PZP: variants seen among roughly 807,000 people sequenced by gnomAD.
The protein encoded by PZP is pregnancy zone protein.
A neutral mutation model predicts 179.8 loss-of-function variants in PZP; 150 were observed. That is an observed-to-expected ratio of 0.83 (90% confidence interval 0.73 to 0.96). PZP has a LOEUF of 0.96. Among genes scored for constraint, PZP ranks in the 40% least tolerant of loss-of-function variants. PZP has a pLI of 0.00. For missense variants in PZP, 1,689 were observed against 1,764.0 expected (o/e 0.96, Z 0.76); for synonymous variants, 624 against 652.3 (o/e 0.96, Z 0.66).
chr12:9,146,007 T>A (rs1442370192), downstream of PZP, among the ~76,000 whole-genome samples: 3 of 152,200 alleles, frequency 2.0e-5, no homozygotes, highest in Admixed American at 1.3e-4. Context: ...TGTATTTTTA[T>A]GTGGATTTCA....
chr12:9,204,032 A>G (rs1305634213), intron 1 of PZP, 81 bp from the exon 2 acceptor site: 9 of 1,323,230 alleles, frequency 6.8e-6, no homozygotes, highest in Non-Finnish European at 9.5e-6. Flanking sequence ...TCATAACAAT[A>G]TGTATTAATT....
At chr12:9,191,490 A>T (rs1484190445) in intron 13 of PZP, among the ~76,000 whole-genome samples, 4 of 152,132 alleles carry the variant, frequency 2.6e-5, no homozygotes, top group Non-Finnish European at 5.9e-5. Flanking sequence ...ACTGAAAAAT[A>T]AAAATTAAAA....
At chr12:9,169,702 T>G in intron 15 of PZP, 111 bp from the exon 16 acceptor site, 1 of 1,037,696 alleles carries the variant, frequency 9.6e-7, no homozygotes, top group Non-Finnish European at 1.3e-6. Flanking sequence ...AGTACGTTCA[T>G]GTAGTTGGTA....
intron 15 of PZP, among the ~76,000 whole-genome samples, chr12:9,173,621 A>T (rs1942152939): frequency 6.6e-6 from 1 of 152,174 alleles, no homozygotes; most frequent in Non-Finnish European, 1.5e-5. Flanking sequence ...AATCAAGTAG[A>T]CACAATCAGA....
intron 13 of PZP, among the ~76,000 whole-genome samples, chr12:9,186,488 G>T (rs1273084262): frequency 6.6e-6 from 1 of 152,150 alleles, no homozygotes; most frequent in African/African-American, 2.4e-5. Flanking sequence ...AGACTCAGTG[G>T]TATGCCGTCT....
rs777539633 is a variant in PZP, at chr12:9,151,798, A to G, written c.4213-126T>C. On this transcript the variant is annotated intron_variant, in intron 32 of 35. Coordinates refer to ENST00000261336, the MANE Select transcript of PZP (RefSeq NM_002864.3). ...GAAGAGAAGAAAGCTAATTGTTTTC[A>G]GGTCAGGAGTTCCACAATTCTTCAA... The G allele has an allele frequency of 4.8e-5, 33 of 686,360 alleles. 1 individual carries two copies. In the South Asian group the frequency reaches 7.3e-4, roughly 15 times the overall value. The allele number at this position is 686,360 out of a possible 1,614,324, so 42.5% of individuals were successfully genotyped here. A position where few individuals can be genotyped will look rare whatever the true frequency, so the allele number is the denominator to read the frequency against.
At chr12:9,148,151 C>T (rs10842969), downstream of PZP, among the ~76,000 whole-genome samples, 92,386 of 152,010 alleles carry the variant, frequency 0.61, 28,467 homozygotes, top group East Asian at 0.9. Flanking sequence ...CCATGTACAA[C>T]GTTTTGAAAT....
intron 26 of PZP, 90 bp from the exon 27 acceptor site, chr12:9,157,931 G>A: frequency 9.3e-7 from 1 of 1,070,692 alleles, no homozygotes; most frequent in Non-Finnish European, 1.4e-6. Context: ...CTCAGTATCT[G>A]TTTCCATTCA....
At chr12:9,203,635 C>T in intron 2 of PZP, 133 bp downstream of exon 2, 1 of 1,067,944 alleles carries the variant, frequency 9.4e-7, no homozygotes, top group Non-Finnish European at 1.3e-6. Context: ...GCCACCGCAC[C>T]TGGCCCCTGA....
chr12:9,202,174 A>G, intron 4 of PZP, 145 bp downstream of exon 4: 2 of 711,700 alleles, frequency 2.8e-6, no homozygotes, highest in South Asian at 3.8e-5. Flanking sequence ...TGTTTTGTAT[A>G]AGACTGCAAA....
intron 32 of PZP, among the ~76,000 whole-genome samples, chr12:9,151,967 T>G (rs955346513): frequency 3.9e-5 from 6 of 152,232 alleles, no homozygotes; most frequent in African/African-American, 1.4e-4. Flanking sequence ...TTTATTGTTT[T>G]GTGCCCATGT....
At chr12:9,164,747 T>C in intron 19 of PZP, among the ~76,000 whole-genome samples, 1 of 152,300 alleles carries the variant, frequency 6.6e-6, no homozygotes, top group East Asian at 1.9e-4. Flanking sequence ...TACAAAGAGA[T>C]AAGTGCTATA....
chr12:9,164,174 T>C lies in PZP; in HGVS notation c.2573A>G (p.Glu858Gly). 6.2e-7 allele frequency: 1 copy of C among 1,611,618 alleles called. No homozygotes were observed. Among genetic ancestry groups the C allele is most frequent in the Non-Finnish European group, 8.5e-7 (1 of 1,177,646 alleles). ...CACTGTCCAAGACAAGGTTTGTCTC[T>C]CATTTCCACAGATACAATAGGATTC... ...GEESYCICGN[E>G]RQTLSWTVTP... Residue 858 changes from glutamate (E) to glycine (G), a missense_variant, in exon 20 of 36, where the codon GAG becomes GGG. Glu to Gly is a moderately conservative substitution (Grantham distance 98, BLOSUM62 -2). Around this residue, in one of 3 missense-constraint regions of PZP, gnomAD observed 746 missense variants for 749.2 expected, o/e 1.00. Transcript: ENST00000261336.
intron 33 of PZP, among the ~76,000 whole-genome samples, 198 bp downstream of exon 33, chr12:9,151,406 T>C (rs768818081): frequency 1.3e-5 from 2 of 152,240 alleles, no homozygotes; most frequent in Non-Finnish European, 2.9e-5. Context: ...ATATTCCAAT[T>C]TTAACACAAT....
At chr12:9,138,279 AT>A in the PZP span, among the ~76,000 whole-genome samples, 101 of 151,586 alleles carry the variant, frequency 6.7e-4, 1 homozygote, top group South Asian at 3.5e-3. Context: ...TAATTATGTG[AT>A]TTTTTTTCCC....
Position 9,196,431 on chromosome 12 carries a change from C to A in PZP, c.991G>T (p.Val331Phe). The change falls in exon 10 of 36, where the codon GTC (valine) becomes TTC (phenylalanine). Residue 331 changes from valine (V) to phenylalanine (F), a missense_variant. By Grantham distance (50) the Val-to-Phe change is conservative. Transcript: ENST00000261336. ...ATTTCACTGATCCTGTTTGCAGTGA[C>A]TTCCAGGTCTGAAAAATATAAAGAG... ...RIREEGTDLE[V>F]TANRISEITN... 2 of 1,610,208 alleles carry A rather than the reference C, an allele frequency of 1.2e-6. No homozygotes were observed. The highest frequency in any genetic ancestry group is 1.7e-6 in the Non-Finnish European group (2 of 1,176,638).
chr12:9,138,630 G>A, the PZP span, among the ~76,000 whole-genome samples: 1 of 151,734 alleles, frequency 6.6e-6, no homozygotes, highest in Non-Finnish European at 1.5e-5. Context: ...TCTGATCCTG[G>A]GTTTTTATTT....
chr12:9,157,835 C>T lies in PZP; in HGVS notation c.3301G>A (p.Val1101Ile). ...SLLNNAIKGG[V>I]EDEATLSAYV... is the part of the protein sequence containing the mutation. ...GCGGAGAGGGTCGCTTCATCTTCTACACCTCCCTGTGAATACAACATTGAT... is the reference window on the plus strand; with the variant it reads ...GCGGAGAGGGTCGCTTCATCTTCTATACCTCCCTGTGAATACAACATTGAT... Residue 1101 changes from valine to isoleucine, a missense_variant, in exon 27 of 36, where the codon GTA (valine) becomes ATA (isoleucine). Coordinates refer to ENST00000261336, the MANE Select transcript of PZP (RefSeq NM_002864.3). The T allele has an allele frequency of 6.2e-7, 1 of 1,613,038 alleles. No homozygotes were observed. Among genetic ancestry groups the T allele is most frequent in the South Asian group, 1.1e-5 (1 of 90,998 alleles).
downstream of PZP, among the ~76,000 whole-genome samples, chr12:9,144,772 C>T (rs948872348): frequency 6.6e-6 from 1 of 152,098 alleles, no homozygotes; most frequent in Non-Finnish European, 1.5e-5. Context: ...TTGGGGCTGA[C>T]ATCTCTCTGG....
Sources: allele counts gnomAD v4.1 joint callset (sites outside exome capture counted in the v4.1 genomes callset), GRCh38; gene constraint gnomAD v4.1.1; regional missense constraint gnomAD v4.1.1; transcripts MANE v1.5; gene names NCBI Gene and HGNC (gene_info 2026-07-23, HGNC 2026-07-21).